Variants in NUBPL observed in about 807,000 individuals in gnomAD.
NUBPL encodes the protein NUBP iron-sulfur cluster assembly factor, mitochondrial.
A neutral mutation model predicts 45.7 loss-of-function variants in NUBPL; 31 were observed. The ratio of observed to expected loss-of-function variants is 0.68; its 90% CI spans 0.51 to 0.92. The LOEUF (loss-of-function observed/expected upper bound fraction) is 0.92, where lower values mean the gene tolerates loss of function less well. Ranked by LOEUF, NUBPL falls within the 40% of genes least tolerant of loss-of-function variation. NUBPL has a pLI of 0.00. For synonymous variants in NUBPL, 144 were observed against 140.9 expected, an observed-to-expected ratio of 1.02 and a Z score of -0.15; for missense variants, 401 against 398.7, an observed-to-expected ratio of 1.01 and a Z score of -0.05.
chr14:31,651,059 T>G (rs2035990547), intron 4 of NUBPL, among the ~76,000 whole-genome samples: 1 of 152,218 alleles, frequency 6.6e-6, no homozygotes, highest in Non-Finnish European at 1.5e-5. Context: ...CCTCTAATGA[T>G]GGAGATCACA....
At chr14:31,626,601 A>G (rs1370717487) in intron 4 of NUBPL, among the ~76,000 whole-genome samples, 3 of 152,246 alleles carry the variant, frequency 2.0e-5, no homozygotes, top group Non-Finnish European at 4.4e-5. Flanking sequence ...GAGAATATGT[A>G]AGATGGTCCT....
intron 8 of NUBPL, among the ~76,000 whole-genome samples, chr14:31,834,057 A>G (rs932877519): frequency 7.9e-5 from 12 of 152,122 alleles, no homozygotes; most frequent in Admixed American, 7.2e-4. Context: ...TGAAAATTGT[A>G]TAACTATTTT....
intron 6 of NUBPL, among the ~76,000 whole-genome samples, chr14:31,684,138 A>T (rs571408189): frequency 1.3e-5 from 2 of 152,318 alleles, no homozygotes; most frequent in East Asian, 3.9e-4. Flanking sequence ...TTCAATATCT[A>T]ATAGCTGTGT....
intron 6 of NUBPL, among the ~76,000 whole-genome samples, chr14:31,754,194 C>A (rs187732793): frequency 5.3e-5 from 8 of 152,212 alleles, no homozygotes; most frequent in Non-Finnish European, 8.8e-5. Context: ...TTTGAACTGA[C>A]AAGAATGAGT....
At chr14:31,639,251 C>G in intron 4 of NUBPL, among the ~76,000 whole-genome samples, 1 of 152,222 alleles carries the variant, frequency 6.6e-6, no homozygotes, top group East Asian at 1.9e-4. Context: ...TGGTGATGTA[C>G]AGATGGGTTT....
intron 6 of NUBPL, among the ~76,000 whole-genome samples, chr14:31,699,780 G>A (rs762371340): frequency 1.9e-4 from 29 of 152,198 alleles, no homozygotes; most frequent in Non-Finnish European, 3.5e-4. Flanking sequence ...ATATATTTTT[G>A]TGAAGTTTAT....
intron 4 of NUBPL, among the ~76,000 whole-genome samples, chr14:31,643,898 C>T (rs1223071684): frequency 2.0e-5 from 3 of 151,788 alleles, no homozygotes; most frequent in Non-Finnish European, 2.9e-5. Flanking sequence ...GCAATTTATC[C>T]GTTTCTTGTA....
chr14:31,774,251 A>G (rs755307400), intron 6 of NUBPL, among the ~76,000 whole-genome samples: 2 of 152,174 alleles, frequency 1.3e-5, no homozygotes, highest in Admixed American at 6.5e-5. Context: ...ATTGCTTTGG[A>G]GAAGTGTAAG....
At chr14:31,691,947 G>A (rs187095997) in intron 6 of NUBPL, among the ~76,000 whole-genome samples, 134 of 152,302 alleles carry the variant, frequency 8.8e-4, no homozygotes, top group African/African-American at 2.9e-3. Flanking sequence ...CTGCTAGAAG[G>A]AAGGGAAAAG....
Position 31,747,469 on chromosome 14 carries a change from T to A in NUBPL, c.514-40311T>A, listed in dbSNP as rs187611341. On this transcript the variant is annotated intron_variant, in intron 6 of 10. Transcript: ENST00000281081. ...GGCTTTTCTTTGATGCGAGACTTTT[T>A]ATTATTGATCCCATCTTATTACTCA... 6.5e-3 allele frequency among the ~76,000 whole-genome samples: 991 copies of A among 152,332 alleles called. 11 individuals carry two copies. The highest frequency in any genetic ancestry group is 0.022 in the African/African-American group (928 of 41,568).
intron 8 of NUBPL, among the ~76,000 whole-genome samples, chr14:31,833,489 T>C (rs987932378): frequency 1.3e-5 from 2 of 152,196 alleles, no homozygotes; most frequent in African/African-American, 4.8e-5. Context: ...AGTTGCTATA[T>C]TATTTTGAGT....
At chr14:31,668,573 A>T (rs78323274) in intron 4 of NUBPL, among the ~76,000 whole-genome samples, 1 of 152,068 alleles carries the variant, frequency 6.6e-6, no homozygotes, top group Non-Finnish European at 1.5e-5. Flanking sequence ...CGGTTCTGTC[A>T]CACTGGGGTT....
chr14:31,734,134 T>TAA (rs1277521364), intron 6 of NUBPL, among the ~76,000 whole-genome samples: 5 of 152,240 alleles, frequency 3.3e-5, no homozygotes, highest in Non-Finnish European at 7.4e-5. Flanking sequence ...TATATTTTGC[T>TAA]AAAATCATTT....
intron 4 of NUBPL, among the ~76,000 whole-genome samples, chr14:31,646,313 A>G (rs1041025911): frequency 1.6e-4 from 24 of 151,932 alleles, no homozygotes; most frequent in Admixed American, 1.5e-3. Flanking sequence ...CGGCCTCCCA[A>G]GTAGCTGGGA....
chr14:31,755,965 C>T (rs74628692), intron 6 of NUBPL, among the ~76,000 whole-genome samples: 1 of 151,722 alleles, frequency 6.6e-6, no homozygotes, highest in Non-Finnish European at 1.5e-5. Context: ...AATCCTTTCC[C>T]CATTGCTTAT....
At chr14:31,622,220 A>G (rs2035081777) in intron 4 of NUBPL, among the ~76,000 whole-genome samples, 1 of 152,210 alleles carries the variant, frequency 6.6e-6, no homozygotes, top group Admixed American at 6.5e-5. Context: ...CAAAGCATTC[A>G]AGATGTGACC....
At position 31,754,591 on chromosome 14, in the gene NUBPL, CT is replaced by C. The variant is rs59085679; in HGVS notation, c.514-33168del. On this transcript the variant is annotated intron_variant, in intron 6 of 10. Transcript: ENST00000281081. ...AAATTGATAATGTCAAGAGGGTTTT[CT>C]TTTTTTTTTTTTTTTTTTTTCTATT... Among the ~76,000 whole-genome samples the C allele has an allele frequency of 5.5e-3, 566 of 103,694 alleles. 1 individual carries two copies. The highest frequency in any genetic ancestry group is 6.6e-3 in the Admixed American group (64 of 9,656). 68.0% of individuals were successfully genotyped at this position (103,694 alleles called of 152,430 possible).
chr14:31,756,223 C>T (rs1334780696), intron 6 of NUBPL, among the ~76,000 whole-genome samples: 3 of 152,074 alleles, frequency 2.0e-5, no homozygotes, highest in African/African-American at 4.8e-5. Flanking sequence ...GTAGTTTTTT[C>T]GAATTCTGTG....
chr14:31,703,512 TG>T (rs1464679416), intron 6 of NUBPL, among the ~76,000 whole-genome samples: 3 of 152,198 alleles, frequency 2.0e-5, no homozygotes, highest in African/African-American at 7.2e-5. Context: ...TCCACATGCC[TG>T]GGGAGGCCTC....
Sources: gnomAD v4.1 joint callset for allele counts (sites outside exome capture counted in the v4.1 genomes callset) on GRCh38, gnomAD v4.1.1 for gene constraint, MANE v1.5 for transcripts, NCBI Gene and HGNC (gene_info 2026-07-23, HGNC 2026-07-21) for gene names.